Variants in C8orf34 observed in about 807,000 individuals in gnomAD.
C8orf34 encodes the protein chromosome 8 open reading frame 34, also known as uncharacterized protein C8orf34.
C8orf34 carries 65 observed loss-of-function variants against 68.3 expected under a neutral mutation model. The ratio of observed to expected loss-of-function variants is 0.95; its 90% CI spans 0.78 to 1.17. The LOEUF is 1.17. C8orf34 is among the 50% of genes most tolerant of loss of function. The pLI is 0.00. For missense variants in C8orf34, 664 were observed against 655.4 expected (o/e 1.01, Z -0.14); for synonymous variants, 244 against 241.2 (o/e 1.01, Z -0.11).
chr8:68,423,129 G>A (rs1810055258), intron 1 of C8orf34, among the ~76,000 whole-genome samples: 1 of 152,128 alleles, frequency 6.6e-6, no homozygotes, highest in Non-Finnish European at 1.5e-5. Context: ...TTAACATTCA[G>A]CTTCTCACTA....
intron 1 of C8orf34, among the ~76,000 whole-genome samples, chr8:68,423,007 G>A (rs1810048377): frequency 6.6e-6 from 1 of 152,222 alleles, no homozygotes; most frequent in African/African-American, 2.4e-5. Flanking sequence ...AGGCAGCACA[G>A]AGCAGGGAGA....
intron 1 of C8orf34, among the ~76,000 whole-genome samples, chr8:68,408,994 G>A (rs560709559): frequency 6.6e-6 from 1 of 152,016 alleles, no homozygotes; most frequent in Non-Finnish European, 1.5e-5. Context: ...TCACCATGTT[G>A]GCCAGCCTGA....
chr8:68,530,293 G>A (rs1815187787), intron 6 of C8orf34, among the ~76,000 whole-genome samples: 1 of 151,968 alleles, frequency 6.6e-6, no homozygotes, highest in African/African-American at 2.4e-5. Context: ...AAAGAAAGAA[G>A]TAACTTGCCC....
chr8:68,343,493 G>A (rs1281224405), intron 1 of C8orf34, among the ~76,000 whole-genome samples: 2 of 151,904 alleles, frequency 1.3e-5, no homozygotes, highest in Admixed American at 1.3e-4. Context: ...GCATGATCTT[G>A]GTTCACTGCA....
At chr8:68,603,724 A>G (rs1817773874) in intron 7 of C8orf34, among the ~76,000 whole-genome samples, 2 of 152,208 alleles carry the variant, frequency 1.3e-5, no homozygotes, top group East Asian at 3.9e-4. Context: ...AAAAAACCAC[A>G]GTGGGGATAT....
At chr8:68,336,666 T>C (rs73254843) in intron 1 of C8orf34, among the ~76,000 whole-genome samples, 2,068 of 152,314 alleles carry the variant, frequency 0.014, 37 homozygotes, top group African/African-American at 0.047. Flanking sequence ...GGCCTGGGAA[T>C]AACAACATCC....
At position 68,533,722 on chromosome 8, in the gene C8orf34, T is replaced by C. The variant is rs74994700; in HGVS notation, c.1105+573T>C. The C allele has an allele frequency of 3.2e-6, 3 of 945,400 alleles. No individual in the cohort carries two copies. The East Asian group carries it at 3.5e-4, about 110-fold the overall frequency. The allele number at this position is 945,400 out of a possible 1,614,324, so 58.6% of individuals were successfully genotyped here. A position where few individuals can be genotyped will look rare whatever the true frequency, so the allele number is the denominator to read the frequency against. ...TGTATATGTAGGATATCTTTTTATATTTTTTAATGTAGTATATGTATGTTT... is the reference window on the plus strand; with the variant it reads ...TGTATATGTAGGATATCTTTTTATACTTTTTAATGTAGTATATGTATGTTT... On this transcript the variant is annotated intron_variant, in intron 7 of 13. Coordinates refer to ENST00000518698, the MANE Select transcript of C8orf34 (RefSeq NM_052958.4).
At chr8:68,700,581 T>G (rs1422293218) in intron 8 of C8orf34, among the ~76,000 whole-genome samples, 1 of 152,096 alleles carries the variant, frequency 6.6e-6, no homozygotes, top group Non-Finnish European at 1.5e-5. Flanking sequence ...GGACCACAAG[T>G]GTAAATTAAT....
intron 7 of C8orf34, among the ~76,000 whole-genome samples, chr8:68,550,387 T>C (rs919273109): frequency 2.0e-5 from 3 of 151,862 alleles, no homozygotes; most frequent in Non-Finnish European, 4.4e-5. Flanking sequence ...ATACTCCTAA[T>C]TCTTCCCTAA....
rs1805553105 is a variant in C8orf34, at chr8:68,331,046, T to C, written c.34T>C (p.Leu12=). 6.8e-7 allele frequency: 1 copy of C among 1,475,820 alleles called. No homozygotes were observed. Among genetic ancestry groups the C allele is most frequent in the South Asian group, 1.3e-5 (1 of 76,614 alleles). The allele number at this position is 1,475,820 out of a possible 1,614,324, so 91.4% of individuals were successfully genotyped here. Residue 12 remains leucine (L), a synonymous_variant, in exon 1 of 14, where the codon TTG becomes CTG. Transcript: ENST00000518698. ...SSPLASELSE[L]AALRPGFRLS... The stretch of plus-strand genomic sequence containing the variant: ...TCCCCTCGCCTCGGAGTTGTCTGAG[T>C]TGGCGGCGCTGCGCCCAGGCTTCCG...
intron 8 of C8orf34, among the ~76,000 whole-genome samples, chr8:68,642,611 C>T (rs1412252464): frequency 6.6e-6 from 1 of 152,164 alleles, no homozygotes; most frequent in Non-Finnish European, 1.5e-5. Flanking sequence ...CCACAGTTCT[C>T]AGAGTAACAC....
At chr8:68,758,198 C>G (rs1330676465) in intron 10 of C8orf34, among the ~76,000 whole-genome samples, 3 of 152,216 alleles carry the variant, frequency 2.0e-5, no homozygotes, top group Non-Finnish European at 4.4e-5. Flanking sequence ...AGGATGCCCA[C>G]TGCTAGGACA....
intron 1 of C8orf34, among the ~76,000 whole-genome samples, chr8:68,402,048 A>G (rs1197026292): frequency 6.6e-6 from 1 of 151,840 alleles, no homozygotes; most frequent in Admixed American, 6.6e-5. Flanking sequence ...TTGGGCTTTT[A>G]TGTTGTTGTG....
intron 8 of C8orf34, among the ~76,000 whole-genome samples, chr8:68,687,292 C>T (rs1820548672): frequency 6.6e-6 from 1 of 151,896 alleles, no homozygotes; most frequent in South Asian, 2.1e-4. Context: ...AAAAAAAGAG[C>T]CTGAATAGCC....
chr8:68,695,877 T>C (rs1820817677), intron 8 of C8orf34: 1 of 152,168 alleles, frequency 6.6e-6, no homozygotes, highest in Admixed American at 6.6e-5. Context: ...ATCTATCATG[T>C]GTTTTGATTG....
chr8:68,577,622 G>A (rs943907911), intron 7 of C8orf34, among the ~76,000 whole-genome samples: 2 of 151,646 alleles, frequency 1.3e-5, no homozygotes, highest in African/African-American at 4.8e-5. Flanking sequence ...ATACCACTAG[G>A]GGGTGCTAAT....
chr8:68,654,858 T>C (rs1233773754), intron 8 of C8orf34, among the ~76,000 whole-genome samples: 2 of 152,138 alleles, frequency 1.3e-5, no homozygotes. Context: ...AAAGCAAATA[T>C]AAATTCAAGT....
intron 8 of C8orf34, among the ~76,000 whole-genome samples, chr8:68,689,653 G>A (rs925786469): frequency 1.3e-5 from 2 of 151,960 alleles, no homozygotes; most frequent in African/African-American, 4.8e-5. Context: ...TCATCTAGTT[G>A]TGGTCCTGCC....
At chr8:68,563,342 C>T (rs771643849) in intron 7 of C8orf34, among the ~76,000 whole-genome samples, 43 of 152,078 alleles carry the variant, frequency 2.8e-4, no homozygotes, top group South Asian at 2.1e-4. Flanking sequence ...GTTGTGATAA[C>T]TCTAAATATA....
Sources: allele counts gnomAD v4.1 joint callset (sites outside exome capture counted in the v4.1 genomes callset), GRCh38; gene constraint gnomAD v4.1.1; transcripts MANE v1.5; gene names NCBI Gene and HGNC (gene_info 2026-07-23, HGNC 2026-07-21).